KLHL7: variants seen among roughly 807,000 people sequenced by gnomAD.
KLHL7 encodes kelch like family member 7, also known as kelch-like protein 7.
In KLHL7, 44 loss-of-function variants were observed where a neutral mutation model predicts 67.4. The ratio of observed to expected loss-of-function variants is 0.65; its 90% CI spans 0.51 to 0.84. KLHL7 has a LOEUF of 0.84. Among genes scored for constraint, KLHL7 ranks in the 40% least tolerant of loss-of-function variants. The pLI, the probability that KLHL7 is intolerant of heterozygous loss-of-function variation, is 0.00. For synonymous variants in KLHL7, 252 were observed against 243.3 expected, an observed-to-expected ratio of 1.04 and a Z score of -0.33; for missense variants, 362 against 718.1, an observed-to-expected ratio of 0.50 and a Z score of 5.67.
At chr7:23,119,989 T>C (rs1783263732) in intron 1 of KLHL7, among the ~76,000 whole-genome samples, 1 of 152,106 alleles carries the variant, frequency 6.6e-6, no homozygotes, top group African/African-American at 2.4e-5. Context: ...TTTGTATACC[T>C]GGTTTGTTTT....
chr7:23,105,972 G>GTGCGACC lies in KLHL7; in HGVS notation c.-54_-48dup. 6.3e-6 allele frequency: 10 copies of GTGCGACC among 1,587,600 alleles called. No homozygotes were observed. Among genetic ancestry groups the GTGCGACC allele is most frequent in the Non-Finnish European group, 8.5e-6 (10 of 1,170,506 alleles). On this transcript the variant is annotated 5_prime_UTR_variant, in exon 1 of 11. Transcript: ENST00000339077. ...ATAGAATCCCCAGTGTGCCCAGAGA[G>GTGCGACC]TGCGACCCCTCGCCCGGCCCGGCGA... is the stretch of plus-strand genomic sequence containing the variant.
chr7:23,154,298 T>C (rs930511478), intron 7 of KLHL7, among the ~76,000 whole-genome samples: 1 of 152,132 alleles, frequency 6.6e-6, no homozygotes, highest in Non-Finnish European at 1.5e-5. Context: ...AAGGTTGCAG[T>C]GAGCTGAGAT....
intron 1 of KLHL7, among the ~76,000 whole-genome samples, chr7:23,119,486 C>G (rs1783240969): frequency 6.6e-6 from 1 of 152,208 alleles, no homozygotes; most frequent in African/African-American, 2.4e-5. Context: ...AGGGGTAAGC[C>G]ACTGTGCCCA....
At chr7:23,141,918 C>T (rs556028091) in intron 5 of KLHL7, among the ~76,000 whole-genome samples, 3 of 146,618 alleles carry the variant, frequency 2.0e-5, no homozygotes, top group East Asian at 2.1e-4. Context: ...CCACCGCACC[C>T]GGCCTTATTT....
chr7:23,111,820 CAAAAAAAAAAAAAAA>C (rs895981894), intron 1 of KLHL7, among the ~76,000 whole-genome samples: 1 of 23,242 alleles, frequency 4.3e-5, no homozygotes, highest in Non-Finnish European at 9.9e-5. Context: ...GACTCCGTCT[CAAAAAAAAAAAAAAA>C]AAAAAAAAAA....
At chr7:23,143,405 G>C (rs1784253879) in intron 5 of KLHL7, among the ~76,000 whole-genome samples, 1 of 152,080 alleles carries the variant, frequency 6.6e-6, no homozygotes, top group Non-Finnish European at 1.5e-5. Flanking sequence ...TCATAATGCA[G>C]GAATATAATA....
At chr7:23,108,828 ATTGT>A (rs1272547875) in intron 1 of KLHL7, among the ~76,000 whole-genome samples, 6 of 152,352 alleles carry the variant, frequency 3.9e-5, no homozygotes, top group South Asian at 2.1e-4. Flanking sequence ...TAAAGCCAAC[ATTGT>A]TTGTGAGATT....
At chr7:23,123,644 A>G (rs1197717222) in intron 1 of KLHL7, 133 bp from the exon 2 acceptor site, 1 of 679,488 alleles carries the variant, frequency 1.5e-6, no homozygotes, top group Non-Finnish European at 2.6e-6. Flanking sequence ...CTTCAAAAGA[A>G]ATTCTGCGCT....
intron 1 of KLHL7, among the ~76,000 whole-genome samples, chr7:23,109,757 A>G (rs1459193748): frequency 1.3e-5 from 2 of 152,188 alleles, no homozygotes; most frequent in African/African-American, 4.8e-5. Context: ...CTTCTTGAGC[A>G]CTTATAACTG....
At chr7:23,156,844 A>G (rs572821173) in intron 7 of KLHL7, among the ~76,000 whole-genome samples, 1 of 152,330 alleles carries the variant, frequency 6.6e-6, no homozygotes, top group South Asian at 2.1e-4. Flanking sequence ...GTTTATAAGG[A>G]TGAATGAACC....
chr7:23,125,272 C>T, intron 4 of KLHL7, 100 bp downstream of exon 4: 2 of 1,255,516 alleles, frequency 1.6e-6, no homozygotes, highest in East Asian at 2.4e-5. Flanking sequence ...CGCATTTAAC[C>T]TTAAAGACAT....
intron 9 of KLHL7, among the ~76,000 whole-genome samples, chr7:23,168,299 C>T (rs1785060594): frequency 6.6e-6 from 1 of 152,170 alleles, no homozygotes; most frequent in Non-Finnish European, 1.5e-5. Context: ...TGAGACACAT[C>T]TGATTGATTC....
chr7:23,124,774 A>T lies in KLHL7; in HGVS notation c.310A>T (p.Thr104Ser), dbSNP rs780480386. Residue 104 changes from threonine (T) to serine (S), a missense_variant, in exon 3 of 11, where the codon ACT (threonine) becomes TCT (serine). By Grantham distance (58) the Thr-to-Ser change is moderately conservative. Coordinates refer to ENST00000339077, the MANE Select transcript of KLHL7 (RefSeq NM_001031710.3). ...IIEQLVEFAY[T>S]ARISVNSNNV... The stretch of plus-strand genomic sequence containing the variant: ...TGAACAACTGGTGGAATTTGCTTAT[A>T]CTGCTAGGTGAGTTAAGTATTATTT... 1 of 1,589,714 alleles carries T rather than the reference A, an allele frequency of 6.3e-7. No homozygotes were observed. The highest frequency in any genetic ancestry group is 8.6e-7 in the Non-Finnish European group (1 of 1,157,866).
intron 1 of KLHL7, chr7:23,117,863 G>C (rs1461364109): frequency 6.2e-7 from 1 of 1,613,348 alleles, no homozygotes; most frequent in Non-Finnish European, 8.5e-7. Context: ...AGCTGTAGTT[G>C]AATCTACAAT....
At chr7:23,154,497 C>A (rs1784638475) in intron 7 of KLHL7, among the ~76,000 whole-genome samples, 1 of 152,212 alleles carries the variant, frequency 6.6e-6, no homozygotes, top group South Asian at 2.1e-4. Context: ...GTATTCTAGG[C>A]TAACTTATCT....
chr7:23,123,259 T>A lies in KLHL7; in HGVS notation c.121-518T>A, dbSNP rs1311958132. On this transcript the variant is annotated intron_variant, in intron 1 of 10. Transcript: ENST00000339077. ...AAGGACATTTAGTTCATCTCCTCTC[T>A]GTATTCTGAGCTGTTTCTGTTTCAA... Among the ~76,000 whole-genome samples, 8 of 152,250 alleles carry A rather than the reference T, an allele frequency of 5.3e-5. 1 individual carries two copies. The highest frequency in any genetic ancestry group is 5.2e-4 in the Admixed American group (8 of 15,284).
At chr7:23,124,926 A>G (rs1171563692) in intron 3 of KLHL7, 122 bp from the exon 4 acceptor site, 1 of 1,113,046 alleles carries the variant, frequency 9.0e-7, no homozygotes, top group South Asian at 1.3e-5. Flanking sequence ...ATGCCATACT[A>G]ATTCAAGGAC....
At chr7:23,124,214 A>AC (rs1783472601) in intron 2 of KLHL7, among the ~76,000 whole-genome samples, 1 of 149,978 alleles carries the variant, frequency 6.7e-6, no homozygotes, top group Non-Finnish European at 1.5e-5. Context: ...AAAAAAAAAA[A>AC]AAAAAAAAGC....
chr7:23,143,971 G>A lies in KLHL7; in HGVS notation c.739G>A (p.Val247Ile). Residue 247 changes from valine (V) to isoleucine (I), a missense_variant, in exon 6 of 11, where the codon GTA becomes ATA. Physicochemically the swap from Val to Ile is conservative, Grantham distance 29 (BLOSUM62 3). Transcript: ENST00000339077. ...ATCAAAGAATTTCTTAAGTAAAACG[G>A]TACAAGCTGAACCACTTATTCAAGA... ...LISKNFLSKT[V>I]QAEPLIQDNP... 1 of 1,614,042 alleles carries A rather than the reference G, an allele frequency of 6.2e-7. No individual in the cohort carries two copies. The highest frequency in any genetic ancestry group is 8.5e-7 in the Non-Finnish European group (1 of 1,179,954).
Sources: allele counts gnomAD v4.1 joint callset (sites outside exome capture counted in the v4.1 genomes callset), GRCh38; gene constraint gnomAD v4.1.1; transcripts MANE v1.5; gene names NCBI Gene and HGNC (gene_info 2026-07-23, HGNC 2026-07-21).